The following BTNL8 variants were observed in gnomAD, a reference collection of about 807,000 sequenced individuals.
BTNL8 encodes the protein butyrophilin like 8, also known as butyrophilin-like protein 8.
A neutral mutation model predicts 36.1 loss-of-function variants in BTNL8; 22 were observed. That is an observed-to-expected ratio of 0.61 (90% CI 0.44 to 0.87). BTNL8 has a LOEUF of 0.87. Among genes scored for constraint, BTNL8 ranks in the 40% least tolerant of loss-of-function variants. The pLI, the probability that BTNL8 is intolerant of heterozygous loss-of-function variation, is 0.00. For missense variants in BTNL8, 526 were observed against 616.9 expected (o/e 0.85, Z 1.56); for synonymous variants, 203 against 235.6 (o/e 0.86, Z 1.27).
chr5:180,929,997 G>C (rs1340460603), intron 3 of BTNL8, among the ~76,000 whole-genome samples: 1 of 152,102 alleles, frequency 6.6e-6, no homozygotes, highest in Non-Finnish European at 1.5e-5. Flanking sequence ...CCAAAACCTG[G>C]CAGAAACACA....
intron 3 of BTNL8, among the ~76,000 whole-genome samples, chr5:180,931,626 A>G (rs573128122): frequency 6.8e-4 from 104 of 152,296 alleles, no homozygotes; most frequent in African/African-American, 2.3e-3. Context: ...AAAAACAAAC[A>G]ATGCCATCGA....
At chr5:180,902,423 C>T in intron 1 of BTNL8, 24 of 1,545,262 alleles carry the variant, frequency 1.6e-5, no homozygotes, top group Non-Finnish European at 2.1e-5. Flanking sequence ...ATGCAAGTCA[C>T]TGGCTTTAGA....
chr5:180,941,831 C>T (rs1262686744), intron 3 of BTNL8, among the ~76,000 whole-genome samples: 2 of 132,530 alleles, frequency 1.5e-5, no homozygotes, highest in Non-Finnish European at 3.2e-5. Context: ...AAACTCACAG[C>T]TAACATCATA....
At chr5:180,948,470 G>A (rs924853328) in intron 5 of BTNL8, 95 bp downstream of exon 5, 16 of 1,606,844 alleles carry the variant, frequency 1.0e-5, no homozygotes, top group Admixed American at 1.7e-5. Flanking sequence ...CTGGCTGCAG[G>A]CTGGACAGGA....
chr5:180,909,449 T>C, intron 2 of BTNL8: 1 of 693,312 alleles, frequency 1.4e-6, no homozygotes, highest in Non-Finnish European at 1.8e-6. Flanking sequence ...TCACTTGTCC[T>C]ACAAATTTTT....
chr5:180,948,494 G>A (rs1759385015), intron 5 of BTNL8, 119 bp downstream of exon 5: 3 of 1,608,688 alleles, frequency 1.9e-6, no homozygotes, highest in East Asian at 2.2e-5. Context: ...ACCGGCAGGT[G>A]GAGGAGAGCA....
chr5:180,903,139 C>T (rs1756906099), intron 1 of BTNL8, among the ~76,000 whole-genome samples: 1 of 120,638 alleles, frequency 8.3e-6, no homozygotes. Flanking sequence ...ACAGTCCCAC[C>T]AACAGTGTAA....
At chr5:180,948,209 G>T (rs1759368806) in intron 4 of BTNL8, 146 bp from the exon 5 acceptor site, 2 of 1,221,962 alleles carry the variant, frequency 1.6e-6, no homozygotes, top group Non-Finnish European at 2.3e-6. Context: ...CCGTGCAGGA[G>T]CTGGGGAGAC....
chr5:180,920,855 T>C (rs958698202), intron 3 of BTNL8, among the ~76,000 whole-genome samples: 1 of 152,058 alleles, frequency 6.6e-6, no homozygotes, highest in Non-Finnish European at 1.5e-5. Context: ...TCACTATCAC[T>C]AACCATCAGG....
At chr5:180,927,342 C>A (rs1758152651) in intron 3 of BTNL8, among the ~76,000 whole-genome samples, 2 of 152,174 alleles carry the variant, frequency 1.3e-5, no homozygotes, top group Admixed American at 6.5e-5. Flanking sequence ...ACATCAAAAA[C>A]CAAAGGTAGA....
chr5:180,947,954 A>G (rs1032700191), intron 4 of BTNL8: 1 of 776,130 alleles, frequency 1.3e-6, no homozygotes, highest in African/African-American at 1.7e-5. Context: ...AAATTCATAA[A>G]GGAGGAAGCA....
intron 3 of BTNL8, among the ~76,000 whole-genome samples, chr5:180,914,139 T>C (rs2113790390): frequency 6.6e-6 from 1 of 152,336 alleles, no homozygotes; most frequent in Non-Finnish European, 1.5e-5. Flanking sequence ...AATGCAGCAC[T>C]ATTAAGAGGT....
chr5:180,913,010 G>A (rs539309245), intron 3 of BTNL8, among the ~76,000 whole-genome samples: 6 of 152,108 alleles, frequency 3.9e-5, no homozygotes, highest in Admixed American at 1.3e-4. Flanking sequence ...TAGCCACAGG[G>A]CTAAGATTGC....
intron 3 of BTNL8, among the ~76,000 whole-genome samples, chr5:180,918,230 T>C (rs1430232930): frequency 6.6e-6 from 1 of 151,968 alleles, no homozygotes. Context: ...GATGCAAACA[T>C]TTCCAACAAA....
At chr5:180,920,426 T>C (rs1293488504) in intron 3 of BTNL8, among the ~76,000 whole-genome samples, 1 of 151,744 alleles carries the variant, frequency 6.6e-6, no homozygotes. Flanking sequence ...ATATTTTCCA[T>C]CACACACAAA....
At chr5:180,947,150 A>C (rs555117527) in intron 3 of BTNL8, among the ~76,000 whole-genome samples, 1 of 152,352 alleles carries the variant, frequency 6.6e-6, no homozygotes, top group East Asian at 1.9e-4. Context: ...GTGGTGATTA[A>C]GCCACTCAAA....
intron 3 of BTNL8, among the ~76,000 whole-genome samples, chr5:180,924,369 C>G (rs1187508576): frequency 6.6e-6 from 1 of 152,204 alleles, no homozygotes; most frequent in Non-Finnish European, 1.5e-5. Flanking sequence ...GATCAAGCAG[C>G]AACCCCAGAA....
chr5:180,908,244 G>C (rs940336484), intron 1 of BTNL8, among the ~76,000 whole-genome samples: 1 of 152,172 alleles, frequency 6.6e-6, no homozygotes, highest in Non-Finnish European at 1.5e-5. Context: ...TCGGAAAAGC[G>C]CAATATTCGG....
intron 1 of BTNL8, chr5:180,902,316 TA>T: frequency 6.5e-7 from 1 of 1,534,862 alleles, no homozygotes; most frequent in Non-Finnish European, 8.8e-7. Context: ...ATCTTAAAAA[TA>T]AAAACATTAA....
Sources: gnomAD v4.1 joint callset for allele counts (sites outside exome capture counted in the v4.1 genomes callset) on GRCh38, gnomAD v4.1.1 for gene constraint, MANE v1.5 for transcripts, NCBI Gene and HGNC (gene_info 2026-07-23, HGNC 2026-07-21) for gene names.